Variants in MAST2 observed in about 807,000 individuals in gnomAD.
MAST2 encodes microtubule-associated serine/threonine-protein kinase 2.
MAST2 carries 70 observed loss-of-function variants against 147.4 expected under a neutral mutation model. The observed-to-expected ratio is 0.47, with a 90% CI of 0.39 to 0.58. The LOEUF (loss-of-function observed/expected upper bound fraction) is 0.58, where lower values mean the gene tolerates loss of function less well. Ranked by LOEUF, MAST2 falls within the 20% of genes least tolerant of loss-of-function variation. MAST2 has a pLI of 0.00. For missense variants in MAST2, 2,080 were observed against 2,302.3 expected (o/e 0.90, Z 1.98); for synonymous variants, 869 against 896.8 (o/e 0.97, Z 0.55).
At position 46,022,982 on chromosome 1, in the gene MAST2, T is replaced by G; in HGVS notation, c.1485+11T>G. 6.2e-7 allele frequency: 1 copy of G among 1,613,280 alleles called. No homozygotes were observed. On this transcript the variant is annotated intron_variant, in intron 13 of 28. Coordinates refer to ENST00000361297, the MANE Select transcript of MAST2 (RefSeq NM_015112.3). ...GATGATTCTATTGAGGTAAAAACCC[T>G]GAGCTCCTACCCCATTCCTGGAGCC... is the stretch of plus-strand genomic sequence containing the variant.
intron 3 of MAST2, among the ~76,000 whole-genome samples, chr1:45,838,377 G>A (rs1393933682): frequency 6.6e-6 from 1 of 151,214 alleles, no homozygotes; most frequent in African/African-American, 2.4e-5. Context: ...GCACCACCAT[G>A]CCTGGCTAAT....
chr1:45,981,600 A>C (rs570177033), intron 5 of MAST2, among the ~76,000 whole-genome samples: 1 of 152,300 alleles, frequency 6.6e-6, no homozygotes, highest in African/African-American at 2.4e-5. Context: ...TTTTCCCAGC[A>C]GGAGCTGTTA....
chr1:45,896,153 G>A (rs946915815), intron 4 of MAST2, among the ~76,000 whole-genome samples: 1 of 151,150 alleles, frequency 6.6e-6, no homozygotes, highest in Admixed American at 6.6e-5. Context: ...TCAGCCTCCC[G>A]AGTAGCTGGG....
At chr1:45,940,400 A>G (rs1657068522) in intron 4 of MAST2, among the ~76,000 whole-genome samples, 1 of 152,096 alleles carries the variant, frequency 6.6e-6, no homozygotes, top group African/African-American at 2.4e-5. Flanking sequence ...TTCTAATGCT[A>G]TTGTGAGTGG....
At chr1:45,959,632 G>A (rs187340159) in intron 5 of MAST2, among the ~76,000 whole-genome samples, 155 bp downstream of exon 5, 5 of 152,306 alleles carry the variant, frequency 3.3e-5, no homozygotes, top group African/African-American at 9.6e-5. Flanking sequence ...CTTTCTGTAC[G>A]AGAATGAGTT....
chr1:45,975,755 A>G (rs1479487625), intron 5 of MAST2, among the ~76,000 whole-genome samples: 1 of 151,472 alleles, frequency 6.6e-6, no homozygotes, highest in African/African-American at 2.4e-5. Context: ...TCAAATATGG[A>G]TGGGTAGGCA....
intron 1 of MAST2, among the ~76,000 whole-genome samples, chr1:45,818,494 A>ATTT (rs1644523606): frequency 1.3e-5 from 2 of 152,248 alleles, no homozygotes; most frequent in South Asian, 4.1e-4. Flanking sequence ...CAAAATGATG[A>ATTT]TTATTTGATT....
intron 4 of MAST2, among the ~76,000 whole-genome samples, chr1:45,888,583 C>T (rs183200582): frequency 1.3e-5 from 2 of 148,924 alleles, no homozygotes; most frequent in Non-Finnish European, 3.0e-5. Context: ...AGTATGGTCT[C>T]GATCTGCTGA....
intron 10 of MAST2, among the ~76,000 whole-genome samples, chr1:46,017,527 C>G (rs1304360417): frequency 6.6e-6 from 1 of 152,174 alleles, no homozygotes; most frequent in Non-Finnish European, 1.5e-5. Flanking sequence ...AGACACTTCT[C>G]AAAAGAAGAC....
intron 5 of MAST2, among the ~76,000 whole-genome samples, chr1:45,996,366 AT>A (rs1053406041): frequency 2.6e-5 from 4 of 151,692 alleles, no homozygotes; most frequent in East Asian, 1.9e-4. Context: ...AAAGAACAGA[AT>A]TTTTTTTAAA....
At chr1:45,911,532 T>C (rs2148575020) in intron 4 of MAST2, among the ~76,000 whole-genome samples, 1 of 152,234 alleles carries the variant, frequency 6.6e-6, no homozygotes, top group East Asian at 1.9e-4. Flanking sequence ...TTTATAGCAT[T>C]GGAAACTTGA....
At position 46,023,099 on chromosome 1, in the gene MAST2, C is replaced by A; in HGVS notation, c.1485+128C>A. ...TTGGTGACAGCAAACACTGAGAAGTCATTCTACTCCCAGAAGAATGAGCAG... is the reference window on the plus strand; with the variant it reads ...TTGGTGACAGCAAACACTGAGAAGTAATTCTACTCCCAGAAGAATGAGCAG... On this transcript the variant is annotated intron_variant, in intron 13 of 28. Transcript: ENST00000361297. The surrounding 1 kb of genome is among the most constrained non-coding windows in gnomAD (Gnocchi z 4.9). 1.7e-6 allele frequency: 2 copies of A among 1,183,430 alleles called. No individual in the cohort carries two copies. The highest frequency in any genetic ancestry group is 2.5e-5 in the South Asian group (2 of 79,372). 73.3% of individuals were successfully genotyped at this position (1,183,430 alleles called of 1,614,324 possible).
chr1:45,899,822 C>T (rs1484702495), intron 4 of MAST2, among the ~76,000 whole-genome samples: 1 of 151,014 alleles, frequency 6.6e-6, no homozygotes, highest in African/African-American at 2.4e-5. Context: ...GTCATCAGGC[C>T]CAAGGGGAAA....
intron 3 of MAST2, among the ~76,000 whole-genome samples, chr1:45,877,029 T>C (rs1464941125): frequency 6.6e-6 from 1 of 152,190 alleles, no homozygotes; most frequent in Non-Finnish European, 1.5e-5. Context: ...TATATTACCT[T>C]AGCACATTTT....
At chr1:45,913,620 C>T in intron 4 of MAST2, 1 of 998,330 alleles carries the variant, frequency 1.0e-6, no homozygotes, top group Non-Finnish European at 1.2e-6. Flanking sequence ...GTCACTGTCC[C>T]ACTGCTGCCT....
intron 1 of MAST2, among the ~76,000 whole-genome samples, chr1:45,822,857 A>G (rs1174780404): frequency 1.3e-5 from 2 of 152,164 alleles, no homozygotes; most frequent in East Asian, 1.9e-4. Context: ...TGACATGCCA[A>G]ATAGTGCAAA....
chr1:45,828,846 C>T (rs1644868891), intron 2 of MAST2, among the ~76,000 whole-genome samples: 1 of 152,022 alleles, frequency 6.6e-6, no homozygotes, highest in African/African-American at 2.4e-5. Context: ...ATCGCTTGAG[C>T]CTGGGAGGCA....
chr1:45,837,498 C>G (rs1487240985), intron 3 of MAST2, among the ~76,000 whole-genome samples: 1 of 152,152 alleles, frequency 6.6e-6, no homozygotes, highest in Non-Finnish European at 1.5e-5. Context: ...GGTATATAGA[C>G]TTTTCCATTC....
chr1:45,918,879 G>A (rs1483887770), intron 4 of MAST2, among the ~76,000 whole-genome samples: 2 of 152,146 alleles, frequency 1.3e-5, no homozygotes, highest in African/African-American at 2.4e-5. Context: ...TTGGGAGGCC[G>A]AGGTGAGCGG....
Sources: gnomAD v4.1 joint callset for allele counts (sites outside exome capture counted in the v4.1 genomes callset) on GRCh38, gnomAD v4.1.1 for gene constraint, Gnocchi (gnomAD v3.1) non-coding constraint, MANE v1.5 for transcripts, NCBI Gene and HGNC (gene_info 2026-07-23, HGNC 2026-07-21) for gene names.